CRTAC1: variants seen among roughly 807,000 people sequenced by gnomAD.
CRTAC1 encodes cartilage acidic protein 1, also known as acidic secreted protein in cartilage.
A neutral mutation model predicts 67.8 loss-of-function variants in CRTAC1; 37 were observed. The observed-to-expected ratio is 0.55, with a 90% CI of 0.42 to 0.72. CRTAC1 has a LOEUF of 0.72. Ranked by LOEUF, CRTAC1 falls within the 30% of genes least tolerant of loss-of-function variation. The pLI is 0.00. For missense variants in CRTAC1, 780 were observed against 931.6 expected (o/e 0.84, Z 2.12); for synonymous variants, 348 against 371.0 (o/e 0.94, Z 0.71).
chr10:97,903,966 G>C (rs2050575144), intron 7 of CRTAC1, among the ~76,000 whole-genome samples: 1 of 151,928 alleles, frequency 6.6e-6, no homozygotes, highest in Non-Finnish European at 1.5e-5. Context: ...CTTTGCCCTT[G>C]GTTTGAACGT....
In CRTAC1 at chr10:97,936,268, C is replaced by T. The variant is rs762285795; in HGVS notation, c.323G>A (p.Arg108Gln). ...DERSSPYYAL[R>Q]DRQGNAIGVT... Reference sequence around the variant, plus strand: ...CCCGATGGCGTTCCCCTGCCGGTCCCGCAGCGCGTAGTAGGGTGAGCTGCG... The same window carrying T: ...CCCGATGGCGTTCCCCTGCCGGTCCTGCAGCGCGTAGTAGGGTGAGCTGCG... The change falls in exon 3 of 15, where the codon CGG (arginine) becomes CAG (glutamine). Residue 108 changes from arginine to glutamine, a missense_variant. Physicochemically the swap from Arg to Gln is conservative, Grantham distance 43. Coordinates refer to ENST00000370597, the MANE Select transcript of CRTAC1 (RefSeq NM_018058.7). 24 of 1,614,148 alleles carry T rather than the reference C, an allele frequency of 1.5e-5. No homozygotes were observed. The highest frequency in any genetic ancestry group is 6.7e-5 in the African/African-American group (5 of 75,076).
chr10:97,911,191 G>A (rs1203382796), intron 5 of CRTAC1, among the ~76,000 whole-genome samples: 2 of 152,196 alleles, frequency 1.3e-5, no homozygotes, highest in Non-Finnish European at 2.9e-5. Context: ...TGGGACTCAG[G>A]CACTTGCCTC....
chr10:97,894,006 C>T (rs1302431931), intron 11 of CRTAC1, among the ~76,000 whole-genome samples: 1 of 152,126 alleles, frequency 6.6e-6, no homozygotes, highest in Admixed American at 6.5e-5. Flanking sequence ...CTATTAACAC[C>T]TAGGTTGTTT....
intron 4 of CRTAC1, among the ~76,000 whole-genome samples, chr10:97,919,599 C>T (rs2050806994): frequency 6.6e-6 from 1 of 152,028 alleles, no homozygotes; most frequent in South Asian, 2.1e-4. Flanking sequence ...TCTTGCTACT[C>T]AAAGTGGTCC....
Position 98,011,002 on chromosome 10 carries a change from C to G in CRTAC1, c.224+136G>C. 3.8e-6 allele frequency: 3 copies of G among 779,854 alleles called. No individual in the cohort carries two copies. In the South Asian group the frequency reaches 5.0e-5, roughly 13 times the overall value. 48.3% of individuals were successfully genotyped at this position (779,854 alleles called of 1,614,324 possible). A position where few individuals can be genotyped will look rare whatever the true frequency, so the allele number is the denominator to read the frequency against. ...CCAGCTGAGCCCAGCCAAGCTGCAG[C>G]TGAGCCACAGACAACCACAGACCTA... On this transcript the variant is annotated intron_variant, in intron 2 of 14. Transcript: ENST00000370597.
intron 1 of CRTAC1, among the ~76,000 whole-genome samples, chr10:98,027,057 C>T (rs1218056707): frequency 6.6e-6 from 1 of 151,816 alleles, no homozygotes; most frequent in Admixed American, 6.6e-5. Flanking sequence ...GTCCCAGCTA[C>T]TCGGGAGGCT....
chr10:97,997,200 C>G (rs1377285115), intron 2 of CRTAC1, among the ~76,000 whole-genome samples: 2 of 146,278 alleles, frequency 1.4e-5, no homozygotes, highest in Non-Finnish European at 3.0e-5. Context: ...CTAACCTGCA[C>G]ATTGTGCACA....
chr10:97,896,864 G>A, intron 9 of CRTAC1, 45 bp downstream of exon 9: 1 of 527,896 alleles, frequency 1.9e-6, no homozygotes, highest in Middle Eastern at 4.9e-4. Context: ...TGTATGAACA[G>A]TGCTAAGGGG....
At chr10:97,959,764 CCA>C (rs1346393133) in intron 2 of CRTAC1, among the ~76,000 whole-genome samples, 1 of 152,176 alleles carries the variant, frequency 6.6e-6, no homozygotes, top group Non-Finnish European at 1.5e-5. Flanking sequence ...TAATAAAACC[CCA>C]TGTCTCATTT....
intron 11 of CRTAC1, among the ~76,000 whole-genome samples, chr10:97,894,783 C>A: frequency 8.7e-6 from 1 of 115,324 alleles, no homozygotes; most frequent in African/African-American, 3.1e-5. Flanking sequence ...TTTTGTCATC[C>A]CCCTGCCCTT....
At chr10:98,006,052 C>T (rs1218731767) in intron 2 of CRTAC1, among the ~76,000 whole-genome samples, 5 of 152,148 alleles carry the variant, frequency 3.3e-5, no homozygotes, top group Non-Finnish European at 7.4e-5. Flanking sequence ...ACTTTACAAC[C>T]ACTACAGTCT....
chr10:97,940,204 T>C (rs2136618924), intron 2 of CRTAC1, among the ~76,000 whole-genome samples: 1 of 152,352 alleles, frequency 6.6e-6, no homozygotes, highest in East Asian at 1.9e-4. Context: ...ATGGGTCTTA[T>C]TAACACCCCA....
At chr10:97,940,186 C>A (rs1163457254) in intron 2 of CRTAC1, among the ~76,000 whole-genome samples, 4 of 152,218 alleles carry the variant, frequency 2.6e-5, no homozygotes, top group African/African-American at 9.6e-5. Flanking sequence ...TCACAACAAT[C>A]CTAGGACATG....
chr10:97,984,286 T>C (rs2051945365), intron 2 of CRTAC1, among the ~76,000 whole-genome samples: 1 of 152,204 alleles, frequency 6.6e-6, no homozygotes, highest in African/African-American at 2.4e-5. Context: ...TTAATAAATA[T>C]ATTGGAATCC....
Position 97,932,302 on chromosome 10 carries a change from G to C in CRTAC1, c.421+3868C>G, listed in dbSNP as rs2051015060. Among the ~76,000 whole-genome samples the C allele has an allele frequency of 2.0e-5, 3 of 152,102 alleles. No individual in the cohort carries two copies. The South Asian group carries it at 6.2e-4, about 31-fold the overall frequency. On this transcript the variant is annotated intron_variant, in intron 3 of 14. Coordinates refer to ENST00000370597, the MANE Select transcript of CRTAC1 (RefSeq NM_018058.7). ...TGTGTGGAGGGCTTATAAAGTCCTGGGCACTGTAATAAGTGCTTTCATTCG... is the reference window on the plus strand; with the variant it reads ...TGTGTGGAGGGCTTATAAAGTCCTGCGCACTGTAATAAGTGCTTTCATTCG...
chr10:97,868,883 G>A (rs1239160837), intron 14 of CRTAC1: 3 of 151,930 alleles, frequency 2.0e-5, no homozygotes, highest in Non-Finnish European at 4.4e-5. Context: ...CGTTTATTTA[G>A]CACTTCCTAT....
At chr10:97,887,752 C>A (rs1454875476) in intron 11 of CRTAC1, among the ~76,000 whole-genome samples, 1 of 152,178 alleles carries the variant, frequency 6.6e-6, no homozygotes, top group Non-Finnish European at 1.5e-5. Context: ...CTTACCACTC[C>A]TAGGAAGCAC....
At chr10:98,008,845 C>T (rs1156606024) in intron 2 of CRTAC1, among the ~76,000 whole-genome samples, 1 of 152,170 alleles carries the variant, frequency 6.6e-6, no homozygotes, top group Non-Finnish European at 1.5e-5. Context: ...TGTCCTCTGT[C>T]AGTCCCCAGG....
intron 1 of CRTAC1, among the ~76,000 whole-genome samples, chr10:98,020,631 G>A (rs1339558719): frequency 1.3e-5 from 2 of 152,236 alleles, no homozygotes; most frequent in Admixed American, 1.3e-4. Context: ...GGGGAAGCTG[G>A]GGAAGGCCTA....
Sources: gnomAD v4.1 joint callset for allele counts (sites outside exome capture counted in the v4.1 genomes callset) on GRCh38, gnomAD v4.1.1 for gene constraint, MANE v1.5 for transcripts, NCBI Gene and HGNC (gene_info 2026-07-23, HGNC 2026-07-21) for gene names.